The following CELF2 variants were observed in gnomAD, a reference collection of about 807,000 sequenced individuals.
CELF2 encodes CUG triplet repeat RNA-binding protein 2.
A neutral mutation model predicts 62.6 loss-of-function variants in CELF2; 8 were observed. The ratio of observed to expected loss-of-function variants is 0.13; its 90% CI spans 0.07 to 0.23. The LOEUF (loss-of-function observed/expected upper bound fraction) is 0.23. Ranked by LOEUF, CELF2 falls within the 10% of genes least tolerant of loss-of-function variation. The pLI is 1.00. For missense variants in CELF2, 333 were observed against 671.0 expected (o/e 0.50, Z 5.56); for synonymous variants, 258 against 250.0 (o/e 1.03, Z -0.30).
At chr10:11,091,775 A>C (rs112925521) in intron 1 of CELF2, among the ~76,000 whole-genome samples, 1 of 152,238 alleles carries the variant, frequency 6.6e-6, no homozygotes, top group South Asian at 2.1e-4. Flanking sequence ...ATGAATGACT[A>C]AACATGAACT....
the CELF2 span, among the ~76,000 whole-genome samples, chr10:10,747,851 CATGT>C: frequency 1.3e-5 from 2 of 151,858 alleles, no homozygotes; most frequent in South Asian, 2.1e-4. Context: ...GGACTACAGG[CATGT>C]GCCACCACGC....
intron 1 of CELF2, among the ~76,000 whole-genome samples, chr10:11,063,112 G>T (rs899134283): frequency 1.3e-5 from 2 of 152,152 alleles, no homozygotes; most frequent in Non-Finnish European, 2.9e-5. Context: ...CACTTAATAG[G>T]TTTGCTGCAG....
the CELF2 span, among the ~76,000 whole-genome samples, chr10:10,486,027 G>A: frequency 6.6e-6 from 1 of 152,170 alleles, no homozygotes; most frequent in African/African-American, 2.4e-5. Flanking sequence ...TCAGAGCATG[G>A]AGTAGAATTA....
chr10:11,215,647 A>G (rs561399418), intron 2 of CELF2, among the ~76,000 whole-genome samples: 3 of 151,242 alleles, frequency 2.0e-5, no homozygotes, highest in Non-Finnish European at 4.4e-5. Context: ...GAACTTCCCC[A>G]CTGCTTCCTT....
At chr10:11,089,363 A>G (rs981252279) in intron 1 of CELF2, among the ~76,000 whole-genome samples, 2 of 152,206 alleles carry the variant, frequency 1.3e-5, no homozygotes, top group Admixed American at 1.3e-4. Context: ...TAGTAACTGA[A>G]GATAGAGGAC....
At chr10:10,628,924 C>A in the CELF2 span, among the ~76,000 whole-genome samples, 1,159 of 152,242 alleles carry the variant, frequency 7.6e-3, 9 homozygotes, top group African/African-American at 0.026. Context: ...AGAAAAGGAT[C>A]CTGACTATAA....
At chr10:10,689,225 A>G in the CELF2 span, among the ~76,000 whole-genome samples, 1 of 152,118 alleles carries the variant, frequency 6.6e-6, no homozygotes, top group Non-Finnish European at 1.5e-5. Context: ...GAAATTGACA[A>G]TCATGGTGAA....
At position 10,995,566 on chromosome 10, in the gene CELF2, G is replaced by A. The variant is rs994260619; in HGVS notation, c.89+75567G>A. On this transcript the variant is annotated intron_variant, in intron 2 of 13. Coordinates refer to the CELF2 transcript ENST00000636488. This position sits in a 1 kb window ranked among gnomAD's most constrained non-coding sequence, Gnocchi z 4.7. The stretch of plus-strand genomic sequence containing the variant: ...TCAGGTGTGCCAGGTGAGAATACCT[G>A]AGAGATGAGTTGGAGACATAGGTGG... Among the ~76,000 whole-genome samples, 1 of 152,220 alleles carries A rather than the reference G, an allele frequency of 6.6e-6. No individual in the cohort carries two copies. Among genetic ancestry groups the A allele is most frequent in the Non-Finnish European group, 1.5e-5 (1 of 68,036 alleles).
the CELF2 span, among the ~76,000 whole-genome samples, chr10:10,685,466 C>T: frequency 6.6e-5 from 10 of 152,018 alleles, no homozygotes; most frequent in East Asian, 3.9e-4. Context: ...AATACAGAGC[C>T]GTAACTTATA....
intron 1 of CELF2, among the ~76,000 whole-genome samples, chr10:11,031,469 A>T (rs2060101831): frequency 6.6e-6 from 1 of 152,194 alleles, no homozygotes; most frequent in African/African-American, 2.4e-5. Context: ...ACTTCTAGAT[A>T]CCCAATGTAA....
At chr10:11,147,082 T>G (rs1367675047) in intron 1 of CELF2, among the ~76,000 whole-genome samples, 1 of 152,228 alleles carries the variant, frequency 6.6e-6, no homozygotes, top group Non-Finnish European at 1.5e-5. Context: ...TTTATTTATC[T>G]GATCAATCTT....
intron 2 of CELF2, among the ~76,000 whole-genome samples, chr10:10,985,833 C>T (rs2052683463): frequency 1.3e-5 from 2 of 152,332 alleles, no homozygotes; most frequent in South Asian, 4.1e-4. Flanking sequence ...GGCCTGATGA[C>T]AGCCACACCG....
chr10:10,941,519 A>G (rs1049636089), intron 2 of CELF2, among the ~76,000 whole-genome samples: 1 of 152,192 alleles, frequency 6.6e-6, no homozygotes, highest in African/African-American at 2.4e-5. Context: ...TTGGGAGTTC[A>G]CTAATGCTAA....
intron 1 of CELF2, among the ~76,000 whole-genome samples, chr10:11,069,827 C>T (rs769388055): frequency 6.6e-6 from 1 of 152,176 alleles, no homozygotes; most frequent in Non-Finnish European, 1.5e-5. Context: ...TAAGATACTG[C>T]GTTTTGATCA....
At chr10:10,644,497 C>T in the CELF2 span, among the ~76,000 whole-genome samples, 14 of 151,826 alleles carry the variant, frequency 9.2e-5, no homozygotes, top group Admixed American at 5.9e-4. Context: ...TGGTTTTCAC[C>T]GCAGTTGAGC....
rs567299862 is a variant in CELF2, at chr10:11,119,070, G to C, written c.75-46416G>C. ...TCCAGTTGACCAGCTACATGAACAA[G>C]GCTGAAACTAGATCAGGACTGATGA... On this transcript the variant is annotated intron_variant, in intron 1 of 12. Coordinates refer to ENST00000633077, the MANE Select transcript of CELF2 (RefSeq NM_001326342.2). Among the ~76,000 whole-genome samples the C allele has an allele frequency of 4.6e-5, 7 of 152,304 alleles. No individual in the cohort carries two copies. The East Asian group carries it at 1.2e-3, about 25-fold the overall frequency.
chr10:10,884,430 A>C (rs1308823370), intron 1 of CELF2, among the ~76,000 whole-genome samples: 1 of 152,226 alleles, frequency 6.6e-6, no homozygotes, highest in African/African-American at 2.4e-5. Context: ...CTGCTTTTAA[A>C]TGTCAAAGGT....
At position 11,157,129 on chromosome 10, in the gene CELF2, G is replaced by T. The variant is rs1195219018; in HGVS notation, c.75-8357G>T. ...GGTGGCATTTCAAGAGCAGGTTGGG[G>T]GATGAGGCTGTGTCCCCTGTGCAAA... On this transcript the variant is annotated intron_variant, in intron 1 of 12. Transcript: ENST00000633077. The surrounding 1 kb of genome is among the most constrained non-coding windows in gnomAD (Gnocchi z 4.9). Among the ~76,000 whole-genome samples the T allele has an allele frequency of 6.6e-6, 1 of 152,042 alleles. No homozygotes were observed. Among genetic ancestry groups the T allele is most frequent in the East Asian group, 1.9e-4 (1 of 5,184 alleles).
chr10:11,298,370 G>C (rs780413807), intron 9 of CELF2, among the ~76,000 whole-genome samples: 1 of 152,256 alleles, frequency 6.6e-6, no homozygotes, highest in African/African-American at 2.4e-5. Context: ...AGGTGGTGCA[G>C]CCTGAGGGAG....
Sources: allele counts gnomAD v4.1 joint callset (sites outside exome capture counted in the v4.1 genomes callset), GRCh38; gene constraint gnomAD v4.1.1; non-coding constraint Gnocchi (gnomAD v3.1); transcripts MANE v1.5; gene names NCBI Gene and HGNC (gene_info 2026-07-23, HGNC 2026-07-21).